The following TCEA1 variants were observed in gnomAD, a reference collection of about 807,000 sequenced individuals.
The protein encoded by TCEA1 is transcription elongation factor A1, also known as transcription elongation factor A protein 1.
Under a neutral mutation model 43.8 loss-of-function variants are expected in TCEA1, and 21 were observed. The ratio of observed to expected loss-of-function variants is 0.48; its 90% CI spans 0.34 to 0.69. The LOEUF is 0.69. Among genes scored for constraint, TCEA1 ranks in the 30% least tolerant of loss-of-function variants. TCEA1 has a pLI of 0.01. For missense variants in TCEA1, 250 were observed against 365.1 expected (o/e 0.68, Z 2.57); for synonymous variants, 104 against 117.5 (o/e 0.88, Z 0.75).
At chr8:53,982,613 CAAAAAA>C (rs558788906) in intron 7 of TCEA1, among the ~76,000 whole-genome samples, 2 of 57,800 alleles carry the variant, frequency 3.5e-5, no homozygotes, top group African/African-American at 1.3e-4. Flanking sequence ...CATTCCCCAC[CAAAAAA>C]AAAAAAAAAA....
rs965053030 is a variant in TCEA1 at position 53,979,178 on chromosome 8, G to C, written c.679-7C>G. 6.8e-6 allele frequency: 11 copies of C among 1,612,130 alleles called. No homozygotes were observed. Among genetic ancestry groups the C allele is most frequent in the Non-Finnish European group, 9.3e-6 (11 of 1,178,578 alleles). On this transcript the variant is annotated splice_polypyrimidine_tract_variant and splice_region_variant and intron_variant, in intron 7 of 9. Coordinates refer to ENST00000521604, the MANE Select transcript of TCEA1 (RefSeq NM_006756.4). The stretch of plus-strand genomic sequence containing the variant: ...GCTCATCACTAGCCATTTCCTATGA[G>C]GTAGGGGGCAATACCACTCAGTTAT...
At chr8:53,969,447 T>G (rs1238080175) in intron 9 of TCEA1, among the ~76,000 whole-genome samples, 1 of 151,816 alleles carries the variant, frequency 6.6e-6, no homozygotes, top group African/African-American at 2.4e-5. Flanking sequence ...TTAAGCTAAG[T>G]GAATAATTCA....
intron 2 of TCEA1, among the ~76,000 whole-genome samples, chr8:54,004,055 A>G (rs1804362331): frequency 6.6e-6 from 1 of 152,230 alleles, no homozygotes; most frequent in Non-Finnish European, 1.5e-5. Context: ...ATCCTTAGAC[A>G]TTATGGAAAT....
At position 54,022,418 on chromosome 8, in the gene TCEA1, T is replaced by A. The variant is rs911504491; in HGVS notation, c.-293A>T. On this transcript the variant is annotated 5_prime_UTR_variant, in exon 1 of 10. Transcript: ENST00000521604. ...AGCCCATGTTCCCGCCAGGCGGGCG[T>A]CGGGCTAGTGGGCAGGCGTGGCTTC... 32 of 475,024 alleles carry A rather than the reference T, an allele frequency of 6.7e-5. No individual in the cohort carries two copies. The highest frequency in any genetic ancestry group is 5.5e-4 in the Middle Eastern group (1 of 1,832). The allele number at this position is 475,024 out of a possible 1,614,324, so 29.4% of individuals were successfully genotyped here.
chr8:53,985,591 T>C (rs1455912902), intron 6 of TCEA1, among the ~76,000 whole-genome samples: 1 of 152,144 alleles, frequency 6.6e-6, no homozygotes, highest in Admixed American at 6.5e-5. Flanking sequence ...CAGCAGGCTC[T>C]TCTTCTCTGC....
At chr8:53,985,756 T>A (rs1181207761) in intron 6 of TCEA1, among the ~76,000 whole-genome samples, 1 of 152,200 alleles carries the variant, frequency 6.6e-6, no homozygotes, top group Non-Finnish European at 1.5e-5. Flanking sequence ...TTCCCGGTGC[T>A]TAGCAAGAAC....
intron 4 of TCEA1, among the ~76,000 whole-genome samples, chr8:53,989,830 G>A (rs1337890696): frequency 6.6e-6 from 1 of 152,042 alleles, no homozygotes; most frequent in Non-Finnish European, 1.5e-5. Flanking sequence ...TTGTGCAGTG[G>A]TGCCATCACA....
rs567238350 is a variant in TCEA1, at chr8:54,012,994, C to T, written c.64-2502G>A. Among the ~76,000 whole-genome samples, 11 of 150,118 alleles carry T rather than the reference C, an allele frequency of 7.3e-5. No homozygotes were observed. In the East Asian group the frequency reaches 2.1e-3, roughly 29 times the overall value. Reference sequence around the variant, plus strand: ...AAAAAAAAAAAAAAAAGATTGTGGGCCTGTATTCTCCATTTACCATTGACA... The same window carrying T: ...AAAAAAAAAAAAAAAAGATTGTGGGTCTGTATTCTCCATTTACCATTGACA... On this transcript the variant is annotated intron_variant, in intron 1 of 9. Coordinates refer to ENST00000521604, the MANE Select transcript of TCEA1 (RefSeq NM_006756.4).
chr8:54,015,962 TCAAA>T (rs1804810133), intron 1 of TCEA1, among the ~76,000 whole-genome samples: 1 of 152,090 alleles, frequency 6.6e-6, no homozygotes, highest in South Asian at 2.1e-4. Flanking sequence ...GACATGCAAA[TCAAA>T]CCCACAATGA....
Position 54,010,429 on chromosome 8 carries a change from C to A in TCEA1, c.126+1G>T. 1 of 1,602,350 alleles carries A rather than the reference C, an allele frequency of 6.2e-7. No individual in the cohort carries two copies. Among genetic ancestry groups the A allele is most frequent in the Non-Finnish European group, 8.5e-7 (1 of 1,175,484 alleles). On this transcript the variant is annotated splice_donor_variant, in intron 2 of 9. Coordinates refer to ENST00000521604, the MANE Select transcript of TCEA1 (RefSeq NM_006756.4). LOFTEE classifies it high-confidence loss of function. ...AAACTTTGATGCATAAAAGCACATA[C>A]CTGCAGTAATTCCAGGGTCATAGGA...
At chr8:54,004,610 G>C (rs1804379500) in intron 2 of TCEA1, among the ~76,000 whole-genome samples, 1 of 152,132 alleles carries the variant, frequency 6.6e-6, no homozygotes, top group Non-Finnish European at 1.5e-5. Flanking sequence ...TGGTTGCCTA[G>C]GCTGGAAGGA....
At position 53,967,043 on chromosome 8, in the gene TCEA1, T is replaced by A. The variant is rs1160523499; in HGVS notation, c.*1061A>T. 8 of 209,018 alleles carry A rather than the reference T, an allele frequency of 3.8e-5. No homozygotes were observed. Among genetic ancestry groups the A allele is most frequent in the Non-Finnish European group, 6.8e-5 (7 of 102,676 alleles). The allele number at this position is 209,018 out of a possible 1,614,324, so 12.9% of individuals were successfully genotyped here. The stretch of plus-strand genomic sequence containing the variant: ...ATCTGTACTGTAAAGCTACTTGCTA[T>A]AGCCCATATATTCAGTTTGTTCAAC... On this transcript the variant is annotated 3_prime_UTR_variant, in exon 10 of 10. Coordinates refer to ENST00000521604, the MANE Select transcript of TCEA1 (RefSeq NM_006756.4).
chr8:54,018,821 T>C (rs1804927220), intron 1 of TCEA1, among the ~76,000 whole-genome samples: 1 of 152,204 alleles, frequency 6.6e-6, no homozygotes, highest in African/African-American at 2.4e-5. Flanking sequence ...TTCATACTCT[T>C]ACTTCCTGAT....
chr8:53,993,823 C>G (rs997400262), intron 3 of TCEA1, 68 bp from the exon 4 acceptor site: 29 of 1,265,340 alleles, frequency 2.3e-5, no homozygotes, highest in Non-Finnish European at 3.3e-5. Context: ...ACTGCGTTAA[C>G]AGGCTATTTG....
chr8:54,004,912 T>C lies in TCEA1; in HGVS notation c.127-4862A>G, dbSNP rs138360578. Among the ~76,000 whole-genome samples, 552 of 152,314 alleles carry C rather than the reference T, an allele frequency of 3.6e-3. 3 individuals carry two copies. The highest frequency in any genetic ancestry group is 0.013 in the African/African-American group (539 of 41,564). ...TATCTAGCACATAGCAGACACTTAATCATGATTGAATAAATTAATCTACTA... is the reference window on the plus strand; with the variant it reads ...TATCTAGCACATAGCAGACACTTAACCATGATTGAATAAATTAATCTACTA... On this transcript the variant is annotated intron_variant, in intron 2 of 9. Coordinates refer to ENST00000521604, the MANE Select transcript of TCEA1 (RefSeq NM_006756.4).
Position 54,021,929 on chromosome 8 carries a change from C to CGCGGGCGCG in TCEA1, c.63+125_63+133dup, listed in dbSNP as rs1282156605. On this transcript the variant is annotated intron_variant, in intron 1 of 9. Coordinates refer to ENST00000521604, the MANE Select transcript of TCEA1 (RefSeq NM_006756.4). ...CGGGCCCGGACACCCTCCCCGGGGA[C>CGCGGGCGCG]GCGGGCGCGGCGGGCCCGGCTCCCA... The CGCGGGCGCG allele has an allele frequency of 3.5e-6, 3 of 851,112 alleles. No homozygotes were observed. The African/African-American group carries it at 5.5e-5, about 16-fold the overall frequency. The allele number at this position is 851,112 out of a possible 1,614,324, so 52.7% of individuals were successfully genotyped here.
intron 3 of TCEA1, among the ~76,000 whole-genome samples, chr8:53,997,130 G>C (rs996524357): frequency 6.6e-6 from 1 of 151,864 alleles, no homozygotes; most frequent in African/African-American, 2.4e-5. Flanking sequence ...GGATGGTCTC[G>C]ATCTCCTGAC....
chr8:53,982,450 G>T lies in TCEA1; in HGVS notation c.678+1913C>A, dbSNP rs1451669815. Among the ~76,000 whole-genome samples, 2 of 151,378 alleles carry T rather than the reference G, an allele frequency of 1.3e-5. 1 individual carries two copies. Among genetic ancestry groups the T allele is most frequent in the South Asian group, 4.2e-4 (2 of 4,790 alleles). On this transcript the variant is annotated intron_variant, in intron 7 of 9. Coordinates refer to ENST00000521604, the MANE Select transcript of TCEA1 (RefSeq NM_006756.4). Reference sequence around the variant, plus strand: ...TGGTGAAACCCTGTCTCTACTAAAAGTACAAAAATTAGCTGGGCTTGGTGG... The same window carrying T: ...TGGTGAAACCCTGTCTCTACTAAAATTACAAAAATTAGCTGGGCTTGGTGG...
At chr8:53,988,045 T>C (rs1803744832) in intron 5 of TCEA1, 69 bp downstream of exon 5, 2 of 1,554,258 alleles carry the variant, frequency 1.3e-6, no homozygotes, top group East Asian at 2.3e-5. Flanking sequence ...AACAGCAATA[T>C]GGAGTTGGAG....
Sources: gnomAD v4.1 joint callset for allele counts (sites outside exome capture counted in the v4.1 genomes callset) on GRCh38, gnomAD v4.1.1 for gene constraint, MANE v1.5 for transcripts, NCBI Gene and HGNC (gene_info 2026-07-23, HGNC 2026-07-21) for gene names.